Variants in STARD13 observed in about 807,000 individuals in gnomAD.
STARD13 encodes the protein stAR-related lipid transfer protein 13.
STARD13 carries 62 observed loss-of-function variants against 106.4 expected under a neutral mutation model. The ratio of observed to expected loss-of-function variants is 0.58; its 90% confidence interval spans 0.48 to 0.72. The LOEUF (loss-of-function observed/expected upper bound fraction) is 0.72, where lower values mean the gene tolerates loss of function less well. STARD13 is among the 30% of genes least tolerant of loss of function. The pLI, the probability that STARD13 is intolerant of heterozygous loss-of-function variation, is 0.00. For missense variants in STARD13, 1,387 were observed against 1,424.0 expected, an observed-to-expected ratio of 0.97 and a Z score of 0.42; for synonymous variants, 565 against 553.0, an observed-to-expected ratio of 1.02 and a Z score of -0.31.
At chr13:33,241,336 C>CT (rs1341040758) in intron 1 of STARD13, among the ~76,000 whole-genome samples, 1 of 152,106 alleles carries the variant, frequency 6.6e-6, no homozygotes, top group Non-Finnish European at 1.5e-5. Context: ...TAAGAAATAA[C>CT]TTGGGTATTC....
chr13:33,422,704 G>A, the STARD13 span, among the ~76,000 whole-genome samples: 319 of 152,270 alleles, frequency 2.1e-3, no homozygotes, highest in African/African-American at 7.5e-3. Context: ...TTACTACAAG[G>A]CTACAGTAAC....
intron 8 of STARD13, chr13:33,113,605 A>C: frequency 2.0e-6 from 1 of 509,456 alleles, no homozygotes; most frequent in South Asian, 1.4e-5. Context: ...CTTCATGTGG[A>C]GACCCAGCGT....
At chr13:33,507,098 C>T in the STARD13 span, among the ~76,000 whole-genome samples, 1 of 152,138 alleles carries the variant, frequency 6.6e-6, no homozygotes. Context: ...GAGACTGTCT[C>T]ATAAAATAAA....
the STARD13 span, among the ~76,000 whole-genome samples, chr13:33,650,807 A>G: frequency 6.6e-6 from 1 of 152,236 alleles, no homozygotes; most frequent in African/African-American, 2.4e-5. Flanking sequence ...GTCCTCTTAT[A>G]AAAAGCTTAG....
At chr13:33,419,095 A>T in the STARD13 span, among the ~76,000 whole-genome samples, 6 of 152,228 alleles carry the variant, frequency 3.9e-5, no homozygotes, top group Non-Finnish European at 8.8e-5. Context: ...GCAATGGATC[A>T]AAGCTAGATG....
At chr13:33,238,475 T>C (rs867953524) in intron 1 of STARD13, among the ~76,000 whole-genome samples, 4 of 152,110 alleles carry the variant, frequency 2.6e-5, no homozygotes, top group African/African-American at 9.7e-5. Flanking sequence ...AAAAGCAGCA[T>C]AGACTTAAAA....
At chr13:33,546,680 G>C in the STARD13 span, among the ~76,000 whole-genome samples, 4 of 150,532 alleles carry the variant, frequency 2.7e-5, no homozygotes, top group Admixed American at 2.7e-4. Context: ...GTCTCACTCT[G>C]TCGCCCAGGC....
the STARD13 span, among the ~76,000 whole-genome samples, chr13:33,500,205 A>G: frequency 3.5e-3 from 539 of 152,294 alleles, 2 homozygotes; most frequent in African/African-American, 0.013. Flanking sequence ...ACGAACACTC[A>G]GTCCATAACA....
At chr13:33,651,582 A>T in the STARD13 span, among the ~76,000 whole-genome samples, 2 of 150,576 alleles carry the variant, frequency 1.3e-5, no homozygotes, top group African/African-American at 4.9e-5. Context: ...TTAAGGAGAA[A>T]GTGTCTTTTT....
the STARD13 span, among the ~76,000 whole-genome samples, chr13:33,672,471 T>A: frequency 6.6e-6 from 1 of 152,300 alleles, no homozygotes; most frequent in South Asian, 2.1e-4. Context: ...CCATGGCACA[T>A]GTATTCCTAT....
At chr13:33,205,784 A>G in intron 1 of STARD13, 1 of 919,898 alleles carries the variant, frequency 1.1e-6, no homozygotes, top group African/African-American at 1.8e-5. Context: ...CTTTCCCACC[A>G]CCACGACCTC....
chr13:33,579,400 G>A, the STARD13 span, among the ~76,000 whole-genome samples: 1 of 152,010 alleles, frequency 6.6e-6, no homozygotes, highest in South Asian at 2.1e-4. Flanking sequence ...GGAATGCAAA[G>A]TAAATACTGT....
the STARD13 span, among the ~76,000 whole-genome samples, chr13:33,673,785 C>T: frequency 6.6e-6 from 1 of 152,008 alleles, no homozygotes; most frequent in Non-Finnish European, 1.5e-5. Context: ...GATCTGCCTG[C>T]CTTGGCCTCC....
chr13:33,183,591 C>A (rs1885453213), intron 1 of STARD13, among the ~76,000 whole-genome samples: 1 of 152,174 alleles, frequency 6.6e-6, no homozygotes, highest in Non-Finnish European at 1.5e-5. Context: ...GAGTGCCAGA[C>A]CCCAGCCTTA....
chr13:33,423,508 AC>A, the STARD13 span, among the ~76,000 whole-genome samples: 1 of 152,250 alleles, frequency 6.6e-6, no homozygotes, highest in African/African-American at 2.4e-5. Flanking sequence ...AGTGTAAATT[AC>A]TTCAACCATT....
the STARD13 span, among the ~76,000 whole-genome samples, chr13:33,393,432 G>A: frequency 2.0e-5 from 3 of 152,132 alleles, no homozygotes; most frequent in Admixed American, 6.5e-5. Context: ...TTATGGCATC[G>A]GTAGATAGCT....
At chr13:33,254,034 A>G (rs1045091571) in intron 1 of STARD13, among the ~76,000 whole-genome samples, 1 of 152,210 alleles carries the variant, frequency 6.6e-6, no homozygotes, top group African/African-American at 2.4e-5. Context: ...TCTGACACAC[A>G]CAGGGTGATC....
chr13:33,372,941 A>G, the STARD13 span, among the ~76,000 whole-genome samples: 1 of 152,082 alleles, frequency 6.6e-6, no homozygotes, highest in Non-Finnish European at 1.5e-5. Flanking sequence ...TTACATTAAG[A>G]CCAACAGGGG....
At chr13:33,282,199 T>C (rs1163913983) in intron 1 of STARD13, among the ~76,000 whole-genome samples, 1 of 152,064 alleles carries the variant, frequency 6.6e-6, no homozygotes, top group Non-Finnish European at 1.5e-5. Context: ...GGGGTAGGGA[T>C]TATGGGCAGT....
Sources: gnomAD v4.1 joint callset for allele counts (sites outside exome capture counted in the v4.1 genomes callset) on GRCh38, gnomAD v4.1.1 for gene constraint, MANE v1.5 for transcripts, NCBI Gene and HGNC (gene_info 2026-07-23, HGNC 2026-07-21) for gene names.